Variants in UTRN observed in about 807,000 individuals in gnomAD.
UTRN encodes the protein utrophin.
UTRN carries 283 observed loss-of-function variants against 463.9 expected under a neutral mutation model. The observed-to-expected ratio is 0.61, with a 90% CI of 0.55 to 0.67. UTRN has a LOEUF of 0.67. UTRN is among the 30% of genes least tolerant of loss of function. The pLI, the probability that UTRN is intolerant of heterozygous loss-of-function variation, is 0.00. For missense variants in UTRN, 3,922 were observed against 4,084.3 expected (o/e 0.96, Z 1.08); for synonymous variants, 1,442 against 1,431.5 (o/e 1.01, Z -0.17).
rs973957657 is a variant in UTRN at position 144,516,219 on chromosome 6, C to A, written c.5245-10C>A. 1.2e-6 allele frequency: 2 copies of A among 1,607,294 alleles called. No homozygotes were observed. Among genetic ancestry groups the A allele is most frequent in the Non-Finnish European group, 1.7e-6 (2 of 1,178,382 alleles). On this transcript the variant is annotated splice_polypyrimidine_tract_variant and intron_variant, in intron 37 of 74. Transcript: ENST00000367545. ...AAATCTATTTTCAGAGAATTCTTTT[C>A]CTTCTACAGTTGCTAATTGCTCAGG... is the stretch of plus-strand genomic sequence containing the variant.
chr6:144,479,199 A>G (rs928812196), intron 25 of UTRN, among the ~76,000 whole-genome samples: 1 of 148,392 alleles, frequency 6.7e-6, no homozygotes, highest in East Asian at 2.0e-4. Flanking sequence ...GCTCACTGCA[A>G]CCTCTGCCAC....
chr6:144,621,700 C>G (rs936990865), intron 51 of UTRN, among the ~76,000 whole-genome samples: 1 of 152,138 alleles, frequency 6.6e-6, no homozygotes, highest in African/African-American at 2.4e-5. Flanking sequence ...ACAAGTCAGA[C>G]TCTCCTTATA....
chr6:144,766,578 T>G (rs967681616), intron 58 of UTRN, among the ~76,000 whole-genome samples: 2 of 152,130 alleles, frequency 1.3e-5, no homozygotes, highest in Admixed American at 1.3e-4. Flanking sequence ...TCCTGAGGCA[T>G]GGCCACTCCA....
intron 64 of UTRN, among the ~76,000 whole-genome samples, chr6:144,801,688 T>C (rs1777712264): frequency 6.6e-6 from 1 of 152,208 alleles, no homozygotes; most frequent in African/African-American, 2.4e-5. Flanking sequence ...TCCTTAATAG[T>C]AGTTGCATAA....
intron 51 of UTRN, among the ~76,000 whole-genome samples, chr6:144,639,677 T>G (rs1777562062): frequency 6.7e-6 from 1 of 148,758 alleles, no homozygotes; most frequent in Non-Finnish European, 1.5e-5. Context: ...TCTTATTGCT[T>G]CTTACTTTTT....
Position 144,448,667 on chromosome 6 carries a change from G to T in UTRN, c.1970G>T (p.Arg657Leu). 6.2e-7 allele frequency: 1 copy of T among 1,613,984 alleles called. No homozygotes were observed. The highest frequency in any genetic ancestry group is 2.2e-5 in the East Asian group (1 of 44,864). The stretch of plus-strand genomic sequence containing the variant: ...CAGAAGGACCTTTTGGAGACTGTTC[G>T]TGTAAGAGAACAAGCAATTACAAAA... Reference protein sequence around the residue: ...IPQKDLLETVRVREQAITKKS... With the variant: ...IPQKDLLETVLVREQAITKKS... Residue 657 changes from arginine (R) to leucine (L), a missense_variant, in exon 17 of 75, where the codon CGT becomes CTT. This residue lies in a region of UTRN where 2,349 missense variants were observed against 2,303.8 expected (regional missense o/e 1.02). Transcript: ENST00000367545.
intron 51 of UTRN, among the ~76,000 whole-genome samples, chr6:144,610,587 A>G (rs902648043): frequency 1.3e-5 from 2 of 152,194 alleles, no homozygotes; most frequent in East Asian, 3.8e-4. Flanking sequence ...TACAAAAGCT[A>G]GACAAGCCCA....
chr6:144,631,188 AGAG>A (rs1277638677), intron 51 of UTRN, among the ~76,000 whole-genome samples: 3 of 151,174 alleles, frequency 2.0e-5, no homozygotes, highest in Non-Finnish European at 4.4e-5. Flanking sequence ...TAAAACCAAA[AGAG>A]AGAGAGAGAG....
intron 17 of UTRN, 68 bp from the exon 18 acceptor site, chr6:144,451,302 T>C (rs370747854): frequency 1.1e-4 from 167 of 1,545,382 alleles, no homozygotes; most frequent in Non-Finnish European, 1.5e-4. Context: ...TTTGAGTTGC[T>C]CTTTCTGGAG....
intron 51 of UTRN, among the ~76,000 whole-genome samples, chr6:144,581,158 T>C (rs1801935475): frequency 1.3e-5 from 2 of 152,236 alleles, no homozygotes; most frequent in Admixed American, 1.3e-4. Flanking sequence ...CAGTTGTCAC[T>C]GTGAATCTAT....
At chr6:144,586,400 A>G (rs2128629315) in intron 51 of UTRN, among the ~76,000 whole-genome samples, 1 of 152,178 alleles carries the variant, frequency 6.6e-6, no homozygotes, top group Non-Finnish European at 1.5e-5. Flanking sequence ...GCAGCATTGA[A>G]ATTGCCCTGA....
chr6:144,827,114 C>A (rs1780250760), intron 66 of UTRN, among the ~76,000 whole-genome samples: 1 of 152,102 alleles, frequency 6.6e-6, no homozygotes, highest in African/African-American at 2.4e-5. Context: ...TATCCTTGAA[C>A]AAATATCCTG....
intron 35 of UTRN, among the ~76,000 whole-genome samples, chr6:144,512,689 C>T (rs546054997): frequency 6.9e-4 from 105 of 151,820 alleles, no homozygotes; most frequent in African/African-American, 2.2e-3. Flanking sequence ...TACAGGCATG[C>T]GCCACCACAC....
intron 66 of UTRN, among the ~76,000 whole-genome samples, chr6:144,824,506 AT>A (rs869311215): frequency 3.3e-4 from 37 of 111,642 alleles, no homozygotes; most frequent in South Asian, 1.1e-3. Context: ...ATATGTATAT[AT>A]TGTATATATA....
intron 2 of UTRN, among the ~76,000 whole-genome samples, chr6:144,369,778 G>A (rs137927369): frequency 6.8e-4 from 104 of 152,292 alleles, no homozygotes; most frequent in African/African-American, 2.4e-3. Context: ...AATTATGAGG[G>A]CAGGTTTTTC....
At chr6:144,377,457 C>T (rs1780564650) in intron 2 of UTRN, among the ~76,000 whole-genome samples, 1 of 152,186 alleles carries the variant, frequency 6.6e-6, no homozygotes, top group African/African-American at 2.4e-5. Context: ...ATCTGTGCCA[C>T]TTATCAAAGT....
intron 29 of UTRN, 49 bp from the exon 30 acceptor site, chr6:144,488,624 A>T (rs770718885): frequency 1.3e-6 from 2 of 1,586,824 alleles, no homozygotes; most frequent in Non-Finnish European, 1.7e-6. Context: ...ATATTCTGCT[A>T]TTTATATTTG....
intron 51 of UTRN, among the ~76,000 whole-genome samples, chr6:144,635,365 G>A (rs577378945): frequency 6.6e-6 from 1 of 151,712 alleles, no homozygotes; most frequent in African/African-American, 2.4e-5. Flanking sequence ...TACCAAGGCT[G>A]CTCTCCAACT....
At chr6:144,690,914 T>G (rs904435805) in intron 52 of UTRN, among the ~76,000 whole-genome samples, 1 of 152,226 alleles carries the variant, frequency 6.6e-6, no homozygotes, top group Non-Finnish European at 1.5e-5. Context: ...GCCTGCTGCT[T>G]CTTTCAAAGG....
Sources: allele counts gnomAD v4.1 joint callset (sites outside exome capture counted in the v4.1 genomes callset), GRCh38; gene constraint gnomAD v4.1.1; regional missense constraint gnomAD v4.1.1; transcripts MANE v1.5; gene names NCBI Gene and HGNC (gene_info 2026-07-23, HGNC 2026-07-21).